The following NBAS variants were observed in gnomAD, a reference collection of about 807,000 sequenced individuals.
The protein encoded by NBAS is NAG/BC035112 fusion.
A neutral mutation model predicts 302.5 loss-of-function variants in NBAS; 219 were observed. That is an observed-to-expected ratio of 0.72 (90% confidence interval 0.65 to 0.81). The LOEUF (loss-of-function observed/expected upper bound fraction) is 0.81, where lower values mean the gene tolerates loss of function less well. NBAS is among the 30% of genes least tolerant of loss of function. The probability of loss-of-function intolerance (pLI) is 0.00; values close to 1 mark genes in which losing one functional copy is unlikely to be tolerated. For synonymous variants in NBAS, 1,118 were observed against 1,021.6 expected (o/e 1.09, Z -1.80); for missense variants, 2,932 against 2,841.6 (o/e 1.03, Z -0.72).
At chr2:15,285,323 T>C (rs1669989595) in intron 42 of NBAS, among the ~76,000 whole-genome samples, 1 of 152,218 alleles carries the variant, frequency 6.6e-6, no homozygotes, top group African/African-American at 2.4e-5. Context: ...CTTTAAACTC[T>C]TTCTTCCCAT....
chr2:15,082,241 CA>C, the NBAS span, among the ~76,000 whole-genome samples: 1 of 152,150 alleles, frequency 6.6e-6, no homozygotes, highest in African/African-American at 2.4e-5. Context: ...ACTTATGCCC[CA>C]GTTAGTTTAC....
At chr2:15,137,473 C>A in the NBAS span, among the ~76,000 whole-genome samples, 1 of 152,170 alleles carries the variant, frequency 6.6e-6, no homozygotes, top group East Asian at 1.9e-4. Context: ...CACAAAACAT[C>A]ATGCCAGGTG....
At chr2:15,372,682 T>C (rs1376768981) in intron 31 of NBAS, among the ~76,000 whole-genome samples, 2 of 152,174 alleles carry the variant, frequency 1.3e-5, no homozygotes, top group Non-Finnish European at 2.9e-5. Flanking sequence ...TATATCAAGC[T>C]GGAAAGCTGT....
chr2:14,988,645 A>G, the NBAS span, among the ~76,000 whole-genome samples: 8 of 152,216 alleles, frequency 5.3e-5, no homozygotes, highest in Non-Finnish European at 1.0e-4. Context: ...CATGCTGAAG[A>G]GCTAATTCAC....
At chr2:15,525,391 A>C (rs1214239401) in intron 9 of NBAS, among the ~76,000 whole-genome samples, 2 of 152,212 alleles carry the variant, frequency 1.3e-5, no homozygotes, top group Admixed American at 6.5e-5. Flanking sequence ...AGAAAGAGTA[A>C]ATGACTTACT....
At chr2:15,480,774 T>C (rs1027347785) in intron 12 of NBAS, among the ~76,000 whole-genome samples, 2 of 152,172 alleles carry the variant, frequency 1.3e-5, no homozygotes, top group African/African-American at 2.4e-5. Context: ...TTGATTTTTG[T>C]TTGTTTGGGG....
At chr2:15,456,542 G>A (rs955063114) in intron 21 of NBAS, among the ~76,000 whole-genome samples, 1 of 152,192 alleles carries the variant, frequency 6.6e-6, no homozygotes, top group Non-Finnish European at 1.5e-5. Flanking sequence ...TCGTGAACAA[G>A]AGGCAAAGTC....
intron 48 of NBAS, among the ~76,000 whole-genome samples, chr2:15,194,810 T>C (rs1024561931): frequency 6.6e-6 from 1 of 152,172 alleles, no homozygotes; most frequent in Non-Finnish European, 1.5e-5. Flanking sequence ...AAGGCTAAGA[T>C]ATCCACTCCT....
the NBAS span, among the ~76,000 whole-genome samples, chr2:14,793,847 A>G: frequency 3.9e-5 from 6 of 152,166 alleles, no homozygotes; most frequent in Non-Finnish European, 7.3e-5. Context: ...ACTAATTCAA[A>G]TGGCATTGGA....
the NBAS span, among the ~76,000 whole-genome samples, chr2:14,946,452 T>C: frequency 2.6e-5 from 4 of 152,124 alleles, no homozygotes; most frequent in African/African-American, 9.7e-5. Context: ...AGAAGGTCAC[T>C]ATATAATGAT....
At chr2:15,451,286 A>C (rs892747583) in intron 21 of NBAS, among the ~76,000 whole-genome samples, 4 of 152,048 alleles carry the variant, frequency 2.6e-5, no homozygotes, top group African/African-American at 9.7e-5. Flanking sequence ...CCTACCCCCC[A>C]GCTATCCTCC....
chr2:15,108,769 G>A, the NBAS span, among the ~76,000 whole-genome samples: 3 of 152,070 alleles, frequency 2.0e-5, no homozygotes, highest in Admixed American at 2.0e-4. Flanking sequence ...AATTAATAAT[G>A]AGCATTAGGG....
the NBAS span, among the ~76,000 whole-genome samples, chr2:15,036,443 G>A: frequency 0.042 from 6,344 of 152,192 alleles, 467 homozygotes; most frequent in African/African-American, 0.15. Flanking sequence ...TCCCTGCAAG[G>A]TTAGGTAAAG....
chr2:15,003,704 C>G, the NBAS span, among the ~76,000 whole-genome samples: 7 of 152,218 alleles, frequency 4.6e-5, no homozygotes, highest in Non-Finnish European at 1.0e-4. Flanking sequence ...CTGAGCTCTT[C>G]TGACAGAACA....
chr2:15,549,569 C>T (rs1370444239), intron 6 of NBAS, among the ~76,000 whole-genome samples: 2 of 151,318 alleles, frequency 1.3e-5, no homozygotes, highest in Non-Finnish European at 1.5e-5. Flanking sequence ...CTGTAAAAAA[C>T]ACAAAAAAAT....
chr2:15,268,154 G>C (rs566443825), intron 44 of NBAS, among the ~76,000 whole-genome samples: 3 of 152,302 alleles, frequency 2.0e-5, no homozygotes, highest in African/African-American at 7.2e-5. Flanking sequence ...AAAGCAGGAA[G>C]CTCCCGCTAT....
chr2:15,160,599 G>T, the NBAS span, among the ~76,000 whole-genome samples: 3 of 132,000 alleles, frequency 2.3e-5, no homozygotes, highest in Non-Finnish European at 3.3e-5. Context: ...GGGAGGGGGG[G>T]GGGCAGGAGG....
the NBAS span, among the ~76,000 whole-genome samples, chr2:14,894,541 A>C: frequency 2.6e-5 from 4 of 151,576 alleles, no homozygotes; most frequent in Non-Finnish European, 5.9e-5. Context: ...GAAATGTAAA[A>C]TATATATATA....
At chr2:15,185,347 A>C (rs1247782647) in intron 50 of NBAS, among the ~76,000 whole-genome samples, 2 of 152,222 alleles carry the variant, frequency 1.3e-5, no homozygotes, top group African/African-American at 4.8e-5. Flanking sequence ...GAGACCTTAA[A>C]CAATGCTTTC....
Sources: allele counts gnomAD v4.1 joint callset (sites outside exome capture counted in the v4.1 genomes callset), GRCh38; gene constraint gnomAD v4.1.1; transcripts MANE v1.5; gene names NCBI Gene and HGNC (gene_info 2026-07-23, HGNC 2026-07-21).